Variants in LMO4 observed in about 807,000 individuals in gnomAD.
The protein encoded by LMO4 is LIM domain transcription factor LMO4.
A neutral mutation model predicts 18.5 loss-of-function variants in LMO4; 3 were observed. The observed-to-expected ratio is 0.16, with a 90% confidence interval of 0.07 to 0.42. LMO4 has a LOEUF of 0.42. LMO4 is among the 10% of genes least tolerant of loss of function. The pLI is 0.99. For missense variants in LMO4, 121 were observed against 219.9 expected (o/e 0.55, Z 2.84); for synonymous variants, 100 against 88.1 (o/e 1.14, Z -0.76).
chr1:87,341,927 A>C (rs540912561), intron 4 of LMO4, among the ~76,000 whole-genome samples: 2 of 152,242 alleles, frequency 1.3e-5, no homozygotes. Context: ...AATGAGCAAC[A>C]TAAATATTTG....
intron 2 of LMO4, among the ~76,000 whole-genome samples, chr1:87,335,098 GCCC>G (rs561333856): frequency 6.6e-6 from 1 of 151,942 alleles, no homozygotes; most frequent in Admixed American, 6.6e-5. Flanking sequence ...CGCCTGCCTG[GCCC>G]CCCCATCTTA....
At chr1:87,340,233 A>G in intron 4 of LMO4, 31 bp downstream of exon 4, 1 of 1,609,428 alleles carries the variant, frequency 6.2e-7, no homozygotes, top group African/African-American at 1.3e-5. Context: ...AATAAGCTTT[A>G]TTAGAGCAAG....
rs1182082669 is a variant in LMO4, at chr1:87,347,417, A to G, written c.*2621A>G. On this transcript the variant is annotated 3_prime_UTR_variant, in exon 5 of 5. Coordinates refer to ENST00000370544, the MANE Select transcript of LMO4 (RefSeq NM_006769.4). ...CACTCAGGTTTATTCTGATGTGAGCAGCGATTGTGTGCAGTTCCTCCCCCA... is the reference window on the plus strand; with the variant it reads ...CACTCAGGTTTATTCTGATGTGAGCGGCGATTGTGTGCAGTTCCTCCCCCA... 6.6e-6 allele frequency: 1 copy of G among 152,166 alleles called. No homozygotes were observed. Among genetic ancestry groups the G allele is most frequent in the African/African-American group, 2.4e-5 (1 of 41,436 alleles). The allele number at this position is 152,166 out of a possible 1,614,324, so 9.4% of individuals were successfully genotyped here. A position where few individuals can be genotyped will look rare whatever the true frequency, so the allele number is the denominator to read the frequency against.
rs150988459 is a variant in LMO4 at position 87,337,800 on chromosome 1, G to A, written c.237-1736G>A. ...GCAGTGGTACTGCAGGTGAGACACC[G>A]GGAGGTCCTCATCAGTGTTCCTGAA... On this transcript the variant is annotated intron_variant, in intron 2 of 4. Transcript: ENST00000370544. Among the ~76,000 whole-genome samples the A allele has an allele frequency of 5.1e-3, 776 of 152,240 alleles. 7 individuals carry two copies. The highest frequency in any genetic ancestry group is 0.018 in the African/African-American group (727 of 41,526).
At chr1:87,332,392 A>AAC in intron 2 of LMO4, 141 bp downstream of exon 2, 1 of 656,374 alleles carries the variant, frequency 1.5e-6, no homozygotes, top group Non-Finnish European at 2.7e-6. Flanking sequence ...GGCGGAATTT[A>AAC]AGGGGTTCAG....
intron 2 of LMO4, 32 bp downstream of exon 2, chr1:87,332,283 G>A (rs755190107): frequency 1.9e-6 from 3 of 1,556,572 alleles, no homozygotes; most frequent in South Asian, 1.1e-5. Context: ...TGGAGATGGG[G>A]GGAAGAGCAA....
intron 1 of LMO4, among the ~76,000 whole-genome samples, chr1:87,330,063 A>G (rs1557612062): frequency 1.5e-5 from 2 of 134,954 alleles, no homozygotes. Context: ...GTCCTTAGTT[A>G]TCAGGGGAGT....
At chr1:87,331,959 T>C (rs1650167275) in intron 1 of LMO4, 54 bp from the exon 2 acceptor site, 1 of 1,418,216 alleles carries the variant, frequency 7.1e-7, no homozygotes, top group Admixed American at 1.7e-5. Context: ...TTACTAACTT[T>C]TGCATCGCCC....
intron 2 of LMO4, among the ~76,000 whole-genome samples, chr1:87,334,467 T>C (rs1258209057): frequency 6.6e-6 from 1 of 152,110 alleles, no homozygotes; most frequent in Admixed American, 6.5e-5. Flanking sequence ...AGCTACCCCC[T>C]CTCCAATGTC....
chr1:87,338,502 G>T (rs555048067), intron 2 of LMO4, among the ~76,000 whole-genome samples: 1 of 152,310 alleles, frequency 6.6e-6, no homozygotes, highest in African/African-American at 2.4e-5. Flanking sequence ...GGATATTAAA[G>T]AGGGAAGCCC....
In LMO4 at chr1:87,346,856, T is replaced by A. The variant is rs542846241; in HGVS notation, c.*2060T>A. On this transcript the variant is annotated 3_prime_UTR_variant, in exon 5 of 5. Coordinates refer to ENST00000370544, the MANE Select transcript of LMO4 (RefSeq NM_006769.4). ...TTCTTCAAACTAGTTCTGGTTCTTA[T>A]ATTTGTTTTTTTTCCTTTAAGGAAC... The A allele has an allele frequency of 4.6e-5, 7 of 152,256 alleles. No individual in the cohort carries two copies. Among genetic ancestry groups the A allele is most frequent in the African/African-American group, 1.7e-4 (7 of 41,464 alleles). The allele number at this position is 152,256 out of a possible 1,614,324, so 9.4% of individuals were successfully genotyped here. A position where few individuals can be genotyped will look rare whatever the true frequency, so the allele number is the denominator to read the frequency against.
intron 1 of LMO4, among the ~76,000 whole-genome samples, chr1:87,330,152 A>G (rs1276123518): frequency 6.6e-6 from 1 of 151,732 alleles, no homozygotes; most frequent in Non-Finnish European, 1.5e-5. Flanking sequence ...TAAGAGCTTT[A>G]GCTAATGGGG....
At position 87,345,222 on chromosome 1, in the gene LMO4, A is replaced by C. The variant is rs1348625687; in HGVS notation, c.*426A>C. The C allele has an allele frequency of 6.2e-6, 1 of 162,450 alleles. No homozygotes were observed. Among genetic ancestry groups the C allele is most frequent in the Non-Finnish European group, 1.3e-5 (1 of 74,988 alleles). The allele number at this position is 162,450 out of a possible 1,614,324, so 10.1% of individuals were successfully genotyped here. ...CATTCTATTTGCTCTTTGTATATTT[A>C]AGTGTTGTAAGGAAACGTGTTTCAA... On this transcript the variant is annotated 3_prime_UTR_variant, in exon 5 of 5. Transcript: ENST00000370544.
chr1:87,331,514 T>C (rs2100773384), intron 1 of LMO4, among the ~76,000 whole-genome samples: 1 of 152,234 alleles, frequency 6.6e-6, no homozygotes, highest in Middle Eastern at 3.4e-3. Flanking sequence ...GGAACGAGGC[T>C]CCGGCGGGGC....
intron 4 of LMO4, among the ~76,000 whole-genome samples, chr1:87,341,743 A>G (rs1278798293): frequency 2.6e-5 from 4 of 152,214 alleles, no homozygotes; most frequent in Non-Finnish European, 2.9e-5. Context: ...GGGGAGCTAC[A>G]TAGAATAACC....
chr1:87,335,382 A>T (rs920756688), intron 2 of LMO4, among the ~76,000 whole-genome samples: 3 of 151,894 alleles, frequency 2.0e-5, no homozygotes, highest in Non-Finnish European at 4.4e-5. Context: ...CTCGCTCCCT[A>T]GGCGGCCAGC....
At position 87,344,865 on chromosome 1, in the gene LMO4, C is replaced by G; in HGVS notation, c.*69C>G. 6.7e-7 allele frequency: 1 copy of G among 1,500,276 alleles called. No homozygotes were observed. Among genetic ancestry groups the G allele is most frequent in the African/African-American group, 1.4e-5 (1 of 72,698 alleles). 92.9% of individuals were successfully genotyped at this position (1,500,276 alleles called of 1,614,324 possible). A position where few individuals can be genotyped will look rare whatever the true frequency, so the allele number is the denominator to read the frequency against. ...TTCATCACAGGTGGATCCCATGTGT[C>G]TTCAGTAGACAAGTCACCTTTGTAG... On this transcript the variant is annotated 3_prime_UTR_variant, in exon 5 of 5. Coordinates refer to ENST00000370544, the MANE Select transcript of LMO4 (RefSeq NM_006769.4).
chr1:87,343,352 C>A (rs1029294509), intron 4 of LMO4, among the ~76,000 whole-genome samples: 1 of 152,166 alleles, frequency 6.6e-6, no homozygotes, highest in South Asian at 2.1e-4. Context: ...GTTCAAGGAT[C>A]TACAACATTT....
chr1:87,330,220 T>C (rs1650095376), intron 1 of LMO4, among the ~76,000 whole-genome samples: 1 of 151,964 alleles, frequency 6.6e-6, no homozygotes, highest in African/African-American at 2.4e-5. Flanking sequence ...TACATATATA[T>C]TTACCTCTCA....
Sources: allele counts gnomAD v4.1 joint callset (sites outside exome capture counted in the v4.1 genomes callset), GRCh38; gene constraint gnomAD v4.1.1; transcripts MANE v1.5; gene names NCBI Gene and HGNC (gene_info 2026-07-23, HGNC 2026-07-21).